Variants in GSE1 observed in about 807,000 individuals in gnomAD.
The protein encoded by GSE1 is genetic suppressor element 1.
A neutral mutation model predicts 112.6 loss-of-function variants in GSE1; 32 were observed. The observed-to-expected ratio is 0.28, with a 90% CI of 0.21 to 0.38. The LOEUF (loss-of-function observed/expected upper bound fraction) is 0.38, where lower values mean the gene tolerates loss of function less well. GSE1 is among the 10% of genes least tolerant of loss of function. The pLI is 1.00. For missense variants in GSE1, 2,348 were observed against 1,699.2 expected, an observed-to-expected ratio of 1.38 and a Z score of -6.71; for synonymous variants, 1,115 against 735.6, an observed-to-expected ratio of 1.52 and a Z score of -8.35.
chr16:85,546,113 C>T (rs901845123), intron 2 of GSE1, among the ~76,000 whole-genome samples: 3 of 149,606 alleles, frequency 2.0e-5, no homozygotes, highest in African/African-American at 7.4e-5. Context: ...TTGAGACAGT[C>T]TAGCTCTGTT....
Position 85,253,058 on chromosome 16 carries a change from G to GC in GSE1, c.2283+81261dup, listed in dbSNP as rs748803903. ...GCGGCTCCAGCTCATAGGCGCCCCC[G>GC]CCCCCCCCCCACCCCCCCCCCCCCA... is the stretch of plus-strand genomic sequence containing the variant. On this transcript the variant is annotated intron_variant, in intron 1 of 2. Transcript: ENST00000637419. 2.6e-3 allele frequency among the ~76,000 whole-genome samples: 121 copies of GC among 47,128 alleles called. 2 individuals carry two copies. The highest frequency in any genetic ancestry group is 5.1e-3 in the South Asian group (5 of 972). 30.9% of individuals were successfully genotyped at this position (47,128 alleles called of 152,430 possible).
At chr16:85,445,764 G>A (rs1242865863) in intron 2 of GSE1, among the ~76,000 whole-genome samples, 2 of 152,178 alleles carry the variant, frequency 1.3e-5, no homozygotes, top group African/African-American at 2.4e-5. Context: ...GCCCTGGTGG[G>A]TGGCTGGCCT....
At chr16:85,410,823 C>CT (rs763486129) in intron 2 of GSE1, among the ~76,000 whole-genome samples, 3 of 22,552 alleles carry the variant, frequency 1.3e-4, no homozygotes, top group Non-Finnish European at 2.3e-4. Flanking sequence ...CAGGGCCCCC[C>CT]GGATAATCCT....
intron 2 of GSE1, among the ~76,000 whole-genome samples, chr16:85,445,336 C>CA (rs2049482782): frequency 1.3e-5 from 2 of 152,240 alleles, no homozygotes; most frequent in African/African-American, 4.8e-5. Context: ...CGAACCCCCC[C>CA]ACTCTGCAAA....
intron 2 of GSE1, among the ~76,000 whole-genome samples, chr16:85,409,308 C>A (rs112366929): frequency 2.3e-5 from 1 of 43,444 alleles, no homozygotes; most frequent in Non-Finnish European, 4.4e-5. Flanking sequence ...ACACTCAGGG[C>A]CCCCCGGATA....
rs375499456 is a variant in GSE1 at position 85,663,047 on chromosome 16, G to A, written c.2327G>A (p.Arg776His). 1.5e-5 allele frequency: 24 copies of A among 1,613,202 alleles called. No homozygotes were observed. Among genetic ancestry groups the A allele is most frequent in the African/African-American group, 1.1e-4 (8 of 75,048 alleles). ...GAGGAGGAGGTCAGGGCCCACCTCC[G>A]TTGCGTGGCCGAGCAGCCGCCCCTC... Reference protein sequence around the residue: ...SDEEEVRAHLRCVAEQPPLKL... With the variant: ...SDEEEVRAHLHCVAEQPPLKL... Residue 776 changes from arginine to histidine, a missense_variant, in exon 10 of 16, where the codon CGT (arginine) becomes CAT (histidine). Physicochemically the swap from Arg to His is conservative, Grantham distance 29 (BLOSUM62 0). Transcript: ENST00000253458.
chr16:85,334,895 A>G (rs1326223009), intron 1 of GSE1, among the ~76,000 whole-genome samples: 1 of 152,004 alleles, frequency 6.6e-6, no homozygotes, highest in African/African-American at 2.4e-5. Flanking sequence ...CCCGGAAGAG[A>G]GCTGCTCCAA....
chr16:85,623,140 G>A lies in GSE1; in HGVS notation c.7+9742G>A, dbSNP rs78441031. Among the ~76,000 whole-genome samples the A allele has an allele frequency of 8.9e-4, 135 of 151,782 alleles. 1 individual carries two copies. Among genetic ancestry groups the A allele is most frequent in the African/African-American group, 2.8e-3 (115 of 41,374 alleles). On this transcript the variant is annotated intron_variant, in intron 1 of 15. Transcript: ENST00000253458. ...TTTAAGACATTGCCCATTGATTCTC[G>A]TTTAAACAACACAGCGTGATTTCAG... is the stretch of plus-strand genomic sequence containing the variant.
At position 85,672,534 on chromosome 16, in the gene GSE1, A is replaced by C; in HGVS notation, c.3649A>C (p.Arg1217=). The change falls in exon 16 of 16, where the codon AGG becomes CGG. Residue 1217 remains arginine (R), a synonymous_variant. Coordinates refer to ENST00000253458, the MANE Select transcript of GSE1 (RefSeq NM_014615.5). ...TAGGGGCTACCTGAAGGGATATCCC[A>C]GGTGACGGTTTCCCTTGCACTAGGC... is the stretch of plus-strand genomic sequence containing the variant. ...WPRGYLKGYP[R] The C allele has an allele frequency of 6.2e-7, 1 of 1,603,220 alleles. No individual in the cohort carries two copies. Among genetic ancestry groups the C allele is most frequent in the Non-Finnish European group, 8.5e-7 (1 of 1,171,584 alleles).
intron 1 of GSE1, among the ~76,000 whole-genome samples, chr16:85,243,760 G>A (rs1319989434): frequency 1.3e-5 from 2 of 152,222 alleles, no homozygotes; most frequent in African/African-American, 4.8e-5. Flanking sequence ...GCACAGGAAG[G>A]ATCCACCATG....
chr16:85,536,399 C>T (rs763830533), intron 2 of GSE1, among the ~76,000 whole-genome samples: 35 of 152,200 alleles, frequency 2.3e-4, no homozygotes, highest in African/African-American at 6.8e-4. Flanking sequence ...GCAGGACGGT[C>T]GGCCAAGCAG....
chr16:85,226,633 T>G (rs2143798488), intron 1 of GSE1, among the ~76,000 whole-genome samples: 1 of 152,186 alleles, frequency 6.6e-6, no homozygotes, highest in Admixed American at 6.5e-5. Flanking sequence ...GGTGCTGTTG[T>G]GAGGTTTAGA....
intron 1 of GSE1, among the ~76,000 whole-genome samples, chr16:85,221,073 A>T (rs182172173): frequency 6.6e-6 from 1 of 151,492 alleles, no homozygotes; most frequent in African/African-American, 2.4e-5. Context: ...TGGGAAAACC[A>T]GGCCCCCAGC....
chr16:85,201,182 C>A (rs554672274), intron 1 of GSE1, among the ~76,000 whole-genome samples: 1 of 152,136 alleles, frequency 6.6e-6, no homozygotes, highest in Non-Finnish European at 1.5e-5. Flanking sequence ...AAGTGATCCT[C>A]CCACCTTAGC....
chr16:85,545,336 G>C (rs2044658875), intron 2 of GSE1, among the ~76,000 whole-genome samples: 1 of 152,224 alleles, frequency 6.6e-6, no homozygotes, highest in African/African-American at 2.4e-5. Flanking sequence ...CTGGCAGCTT[G>C]CTCCAGGGGC....
intron 1 of GSE1, among the ~76,000 whole-genome samples, chr16:85,232,093 C>G (rs1371163299): frequency 6.6e-6 from 1 of 152,222 alleles, no homozygotes; most frequent in East Asian, 1.9e-4. Flanking sequence ...GCAGCAAAAG[C>G]CTTCCTGGCA....
Position 85,358,813 on chromosome 16 carries a change from C to T in GSE1, c.2464+1170C>T, listed in dbSNP as rs572221012. 2.0e-5 allele frequency among the ~76,000 whole-genome samples: 3 copies of T among 152,348 alleles called. No homozygotes were observed. The East Asian group carries it at 5.8e-4, about 29-fold the overall frequency. On this transcript the variant is annotated intron_variant, in intron 2 of 2. Transcript: ENST00000637419. ...GGCCAGGCAGGGACTACTGTCCCCA[C>T]CTTGTCTGAGGACCTGCTCTGCCGT... is the stretch of plus-strand genomic sequence containing the variant.
intron 2 of GSE1, among the ~76,000 whole-genome samples, chr16:85,545,822 G>A (rs193158792): frequency 9.2e-5 from 14 of 152,220 alleles, no homozygotes; most frequent in Admixed American, 2.0e-4. Flanking sequence ...TCTCACTGTC[G>A]CCCAGGCTGG....
At chr16:85,647,977 T>A (rs1018456170) in intron 2 of GSE1, among the ~76,000 whole-genome samples, 16 of 152,058 alleles carry the variant, frequency 1.1e-4, no homozygotes, top group African/African-American at 3.9e-4. Flanking sequence ...CGCCTTTTCC[T>A]GTGACCCCCC....
Sources: allele counts gnomAD v4.1 joint callset (sites outside exome capture counted in the v4.1 genomes callset), GRCh38; gene constraint gnomAD v4.1.1; transcripts MANE v1.5; gene names NCBI Gene and HGNC (gene_info 2026-07-23, HGNC 2026-07-21).